The following B3GALT1 variants were observed in gnomAD, a reference collection of about 807,000 sequenced individuals.
B3GALT1 encodes UDP-Gal:betaGlcNAc beta 1,3-galactosyltransferase, polypeptide 1.
A neutral mutation model predicts 23.2 loss-of-function variants in B3GALT1; 10 were observed. That is an observed-to-expected ratio of 0.43 (90% CI 0.27 to 0.73). The LOEUF (loss-of-function observed/expected upper bound fraction) is 0.73, where lower values mean the gene tolerates loss of function less well. B3GALT1 is among the 30% of genes least tolerant of loss of function. The probability of loss-of-function intolerance (pLI) is 0.21; values close to 1 mark genes in which losing one functional copy is unlikely to be tolerated. For missense variants in B3GALT1, 299 were observed against 405.4 expected, an observed-to-expected ratio of 0.74 and a Z score of 2.25; for synonymous variants, 156 against 141.5, an observed-to-expected ratio of 1.10 and a Z score of -0.73.
In B3GALT1 at chr2:167,785,885, A is replaced by G. The variant is rs907241497; in HGVS notation, c.-351-32787A>G. ...AGTCAAAGCCCTCTGTTGGAGGTTG[A>G]CAAAGCTCTGTTCACCCTTGGGATT... On this transcript the variant is annotated intron_variant, in intron 3 of 4. Coordinates refer to ENST00000392690, the MANE Select transcript of B3GALT1 (RefSeq NM_020981.4). Among the ~76,000 whole-genome samples, 5 of 152,300 alleles carry G rather than the reference A, an allele frequency of 3.3e-5. No homozygotes were observed. In the South Asian group the frequency reaches 6.2e-4, roughly 19 times the overall value.
chr2:167,742,830 C>T (rs1308070818), intron 3 of B3GALT1, among the ~76,000 whole-genome samples: 1 of 151,942 alleles, frequency 6.6e-6, no homozygotes, highest in Non-Finnish European at 1.5e-5. Context: ...ATTCTAATAC[C>T]ATTGTGCCTT....
At chr2:167,441,950 A>G (rs1229025180) in intron 1 of B3GALT1, among the ~76,000 whole-genome samples, 9 of 151,784 alleles carry the variant, frequency 5.9e-5, no homozygotes, top group Admixed American at 5.9e-4. Flanking sequence ...ACATACGTAT[A>G]CATGTGCCAT....
At chr2:167,837,164 T>C (rs534076411) in intron 4 of B3GALT1, among the ~76,000 whole-genome samples, 2 of 152,248 alleles carry the variant, frequency 1.3e-5, no homozygotes, top group African/African-American at 4.8e-5. Flanking sequence ...CAGGATCAAA[T>C]TCACACATAA....
At chr2:167,793,765 C>T (rs1479590176) in intron 3 of B3GALT1, among the ~76,000 whole-genome samples, 3 of 152,188 alleles carry the variant, frequency 2.0e-5, no homozygotes, top group Non-Finnish European at 4.4e-5. Flanking sequence ...TGGATGGCAT[C>T]TAGTCCCAAA....
intron 4 of B3GALT1, among the ~76,000 whole-genome samples, chr2:167,863,895 A>T (rs572284526): frequency 6.6e-6 from 1 of 152,182 alleles, no homozygotes; most frequent in African/African-American, 2.4e-5. Flanking sequence ...AGTATTGTCT[A>T]AGATGTAATA....
chr2:167,804,846 A>G (rs1688716551), intron 3 of B3GALT1, among the ~76,000 whole-genome samples: 1 of 152,188 alleles, frequency 6.6e-6, no homozygotes, highest in South Asian at 2.1e-4. Flanking sequence ...ATACCCAGTA[A>G]TGGGATTGCT....
chr2:167,830,090 G>C (rs973528251), intron 4 of B3GALT1, among the ~76,000 whole-genome samples: 3 of 152,184 alleles, frequency 2.0e-5, no homozygotes, highest in Non-Finnish European at 2.9e-5. Context: ...TGGAAGTCCT[G>C]TTGACCACTG....
chr2:167,522,739 C>G (rs2052984), intron 2 of B3GALT1, among the ~76,000 whole-genome samples: 56,729 of 151,974 alleles, frequency 0.37, 11,562 homozygotes, highest in East Asian at 0.81. Flanking sequence ...AAGTCCCTAT[C>G]TAACCTTCCC....
chr2:167,693,435 T>C (rs1214920747), intron 3 of B3GALT1, among the ~76,000 whole-genome samples: 4 of 152,034 alleles, frequency 2.6e-5, no homozygotes, highest in Admixed American at 1.3e-4. Context: ...TCAACAAGAT[T>C]GAATAGACAA....
At chr2:167,352,202 C>T (rs538730865) in intron 1 of B3GALT1, among the ~76,000 whole-genome samples, 27 of 147,800 alleles carry the variant, frequency 1.8e-4, no homozygotes, top group Non-Finnish European at 3.1e-4. Context: ...CTCCTGACCT[C>T]GTGATCCGCC....
chr2:167,668,665 TAAGC>T (rs1686260656), intron 3 of B3GALT1, among the ~76,000 whole-genome samples: 1 of 152,222 alleles, frequency 6.6e-6, no homozygotes, highest in Non-Finnish European at 1.5e-5. Flanking sequence ...CGCCGTTTTT[TAAGC>T]CCATCGGAAA....
In B3GALT1 at chr2:167,421,740, G is replaced by A. The variant is rs77251436; in HGVS notation, c.-510-68437G>A. ...GCATATGCAGTTCTTCCAAAAAAGTGGCCAAAAGATGATGATATGAATGTT... is the reference window on the plus strand; with the variant it reads ...GCATATGCAGTTCTTCCAAAAAAGTAGCCAAAAGATGATGATATGAATGTT... On this transcript the variant is annotated intron_variant, in intron 1 of 4. Transcript: ENST00000392690. 4.8e-3 allele frequency among the ~76,000 whole-genome samples: 734 copies of A among 152,198 alleles called. 6 individuals carry two copies. The highest frequency in any genetic ancestry group is 0.018 in the East Asian group (94 of 5,174).
chr2:167,339,373 A>G (rs1278023230), intron 1 of B3GALT1, among the ~76,000 whole-genome samples: 1 of 150,990 alleles, frequency 6.6e-6, no homozygotes, highest in Admixed American at 6.6e-5. Flanking sequence ...GTAAATTATG[A>G]ATTTGAATGC....
At chr2:167,424,035 A>C (rs764386364) in intron 1 of B3GALT1, among the ~76,000 whole-genome samples, 8 of 152,180 alleles carry the variant, frequency 5.3e-5, no homozygotes, top group Non-Finnish European at 1.2e-4. Flanking sequence ...GTATCATTAC[A>C]CAAGACAGAA....
intron 1 of B3GALT1, among the ~76,000 whole-genome samples, chr2:167,459,578 AT>A (rs960814161): frequency 1.3e-4 from 20 of 152,130 alleles, no homozygotes; most frequent in African/African-American, 4.8e-4. Context: ...TGGACTAATA[AT>A]TTTTTTCAAA....
chr2:167,406,150 A>G (rs1448545815), intron 1 of B3GALT1, among the ~76,000 whole-genome samples: 1 of 152,316 alleles, frequency 6.6e-6, no homozygotes, highest in East Asian at 1.9e-4. Flanking sequence ...TACCATATGC[A>G]AAAAGCAATT....
At chr2:167,317,491 G>T (rs941306034) in intron 1 of B3GALT1, among the ~76,000 whole-genome samples, 1 of 152,034 alleles carries the variant, frequency 6.6e-6, no homozygotes, top group Non-Finnish European at 1.5e-5. Flanking sequence ...ATACCAAGGC[G>T]GTCTGGTGAG....
intron 3 of B3GALT1, among the ~76,000 whole-genome samples, chr2:167,654,160 C>CA (rs1298967948): frequency 2.6e-5 from 4 of 152,108 alleles, no homozygotes; most frequent in Non-Finnish European, 5.9e-5. Flanking sequence ...TTTTCTCTTC[C>CA]AGAAAATGGA....
At chr2:167,330,854 T>C (rs1204567125) in intron 1 of B3GALT1, among the ~76,000 whole-genome samples, 4 of 152,224 alleles carry the variant, frequency 2.6e-5, no homozygotes, top group Non-Finnish European at 5.9e-5. Context: ...AATTGGGTTC[T>C]GTTGCTGGAT....
Sources: allele counts gnomAD v4.1 joint callset (sites outside exome capture counted in the v4.1 genomes callset), GRCh38; gene constraint gnomAD v4.1.1; transcripts MANE v1.5; gene names NCBI Gene and HGNC (gene_info 2026-07-23, HGNC 2026-07-21).